The following SCIN variants were observed in gnomAD, a reference collection of about 807,000 sequenced individuals.
The protein encoded by SCIN is adseverin.
In SCIN, 91 loss-of-function variants were observed where a neutral mutation model predicts 91.8. That is an observed-to-expected ratio of 0.99 (90% confidence interval 0.84 to 1.18). The LOEUF (loss-of-function observed/expected upper bound fraction) is 1.18. Ranked by LOEUF, SCIN falls within the 50% of genes most tolerant of loss-of-function variation. The pLI, the probability that SCIN is intolerant of heterozygous loss-of-function variation, is 0.00. For synonymous variants in SCIN, 367 were observed against 312.6 expected (o/e 1.17, Z -1.84); for missense variants, 1,087 against 863.9 (o/e 1.26, Z -3.24).
At chr7:12,604,712 T>G (rs1334071758) in intron 4 of SCIN, 49 bp downstream of exon 4, 16 of 1,407,926 alleles carry the variant, frequency 1.1e-5, no homozygotes, top group Non-Finnish European at 1.5e-5. Flanking sequence ...CCAACTCGTA[T>G]GTGTCTGTGT....
chr7:12,603,236 C>G (rs1782995945), intron 3 of SCIN, among the ~76,000 whole-genome samples: 2 of 152,028 alleles, frequency 1.3e-5, no homozygotes, highest in African/African-American at 4.8e-5. Context: ...GCTTTGCCTC[C>G]CGGGTTCACG....
At chr7:12,605,092 C>T (rs569566476) in intron 4 of SCIN, among the ~76,000 whole-genome samples, 2 of 152,154 alleles carry the variant, frequency 1.3e-5, no homozygotes, top group East Asian at 1.9e-4. Flanking sequence ...TGCTCTGTCG[C>T]CCAGGCTGGA....
chr7:12,596,189 C>A, intron 3 of SCIN: 1 of 346,572 alleles, frequency 2.9e-6, no homozygotes, highest in Admixed American at 3.7e-5. Flanking sequence ...CAGTGCCCTC[C>A]TTACCCTTGG....
chr7:12,597,100 G>T (rs1369880428), intron 3 of SCIN, among the ~76,000 whole-genome samples: 1 of 152,172 alleles, frequency 6.6e-6, no homozygotes, highest in Non-Finnish European at 1.5e-5. Context: ...GAAGGATATT[G>T]AGTTGAGCTG....
intron 8 of SCIN, among the ~76,000 whole-genome samples, chr7:12,628,711 GA>G (rs1343055916): frequency 1.3e-5 from 2 of 150,476 alleles, no homozygotes; most frequent in African/African-American, 2.4e-5. Flanking sequence ...AAAGCACAGG[GA>G]AAAAAATATA....
Position 12,581,109 on chromosome 7 carries a change from C to G in SCIN, c.404C>G (p.Thr135Arg). ...GLNHVLTNDL[T>R]AKRLLHVKGR... Reference sequence around the variant, plus strand: ...AATCATGTTCTTACGAACGACCTGACAGCCAAGAGGCTCCTACATGTGAAG... The same window carrying G: ...AATCATGTTCTTACGAACGACCTGAGAGCCAAGAGGCTCCTACATGTGAAG... The change falls in exon 3 of 16, where the codon ACA (threonine) becomes AGA (arginine). Residue 135 changes from threonine (T) to arginine (R), a missense_variant. Coordinates refer to ENST00000297029, the MANE Select transcript of SCIN (RefSeq NM_001112706.3). The G allele has an allele frequency of 6.4e-7, 1 of 1,551,424 alleles. No homozygotes were observed. The highest frequency in any genetic ancestry group is 1.4e-5 in the African/African-American group (1 of 73,146).
chr7:12,603,916 T>C, intron 3 of SCIN, among the ~76,000 whole-genome samples: 1 of 148,600 alleles, frequency 6.7e-6, no homozygotes, highest in South Asian at 2.2e-4. Flanking sequence ...GTGGTTTTTT[T>C]CTCCTTTTAT....
intron 3 of SCIN, among the ~76,000 whole-genome samples, chr7:12,587,458 G>T (rs190440136): frequency 6.6e-6 from 1 of 152,124 alleles, no homozygotes; most frequent in Non-Finnish European, 1.5e-5. Flanking sequence ...TTGAGCTTTC[G>T]GCTTTGGCCT....
intron 4 of SCIN, among the ~76,000 whole-genome samples, chr7:12,620,758 G>A (rs1003675250): frequency 6.6e-6 from 1 of 152,110 alleles, no homozygotes; most frequent in African/African-American, 2.4e-5. Flanking sequence ...CACAAATGGA[G>A]AATTGAGAGT....
rs907359967 is a variant in SCIN, at chr7:12,660,147, C to T, written c.*7432C>T. 3 of 152,646 alleles carry T rather than the reference C, an allele frequency of 2.0e-5. No individual in the cohort carries two copies. Among genetic ancestry groups the T allele is most frequent in the Non-Finnish European group, 4.4e-5 (3 of 68,398 alleles). The allele number at this position is 152,646 out of a possible 1,614,324, so 9.5% of individuals were successfully genotyped here. ...TCTTTTCGGACTCAGCCCGCCTGCA[C>T]CCAGGTGAAATAAACAGCCTTGTTG... On this transcript the variant is annotated 3_prime_UTR_variant, in exon 16 of 16. Transcript: ENST00000297029.
intron 2 of SCIN, among the ~76,000 whole-genome samples, chr7:12,579,670 C>T (rs117327805): frequency 0.033 from 4,967 of 152,298 alleles, 126 homozygotes; most frequent in Non-Finnish European, 0.05. Flanking sequence ...AATCCCAACA[C>T]TTTGAGAGGC....
intron 4 of SCIN, among the ~76,000 whole-genome samples, chr7:12,618,529 A>G (rs1280682176): frequency 1.3e-5 from 2 of 152,192 alleles, no homozygotes; most frequent in African/African-American, 4.8e-5. Flanking sequence ...CATCACTGAG[A>G]GAGAGCAGCA....
rs1278866212 is a variant in SCIN at position 12,657,571 on chromosome 7, TA to T, written c.*4857del. ...ATATATATATATATATATATATATATATTTTTTTTTTTTTTTTTTTTTTTTT... is the reference window on the plus strand; with the variant it reads ...ATATATATATATATATATATATATATTTTTTTTTTTTTTTTTTTTTTTTTT... On this transcript the variant is annotated 3_prime_UTR_variant, in exon 16 of 16. Transcript: ENST00000297029. The T allele has an allele frequency of 4.4e-3, 109 of 24,732 alleles. 1 individual carries two copies. Among genetic ancestry groups the T allele is most frequent in the Non-Finnish European group, 5.6e-3 (77 of 13,752 alleles). The allele number at this position is 24,732 out of a possible 1,614,324, so 1.5% of individuals were successfully genotyped here. A position where few individuals can be genotyped will look rare whatever the true frequency, so the allele number is the denominator to read the frequency against.
intron 13 of SCIN, among the ~76,000 whole-genome samples, chr7:12,645,372 A>G (rs1783943646): frequency 6.6e-6 from 1 of 152,150 alleles, no homozygotes; most frequent in Non-Finnish European, 1.5e-5. Context: ...GAACCTAACA[A>G]CGCCGGGAAG....
Position 12,570,775 on chromosome 7 carries a change from C to T in SCIN, c.-12C>T. On this transcript the variant is annotated 5_prime_UTR_variant, in exon 1 of 16. Transcript: ENST00000297029. ...ATATCACGCGTCCCCCGGAGCATCG[C>T]GTGCAGGAGCCATGGCGCGGGAGCT... 1 of 1,548,642 alleles carries T rather than the reference C, an allele frequency of 6.5e-7. No homozygotes were observed. Among genetic ancestry groups the T allele is most frequent in the South Asian group, 1.2e-5 (1 of 83,818 alleles).
chr7:12,632,738 G>T (rs1038440798), intron 9 of SCIN, among the ~76,000 whole-genome samples: 1 of 152,122 alleles, frequency 6.6e-6, no homozygotes, highest in Non-Finnish European at 1.5e-5. Context: ...TAAGAAGACA[G>T]GTTTGGCCCA....
At chr7:12,583,447 G>C (rs201667552) in intron 3 of SCIN, among the ~76,000 whole-genome samples, 1 of 152,264 alleles carries the variant, frequency 6.6e-6, no homozygotes, top group East Asian at 1.9e-4. Flanking sequence ...TGCCAGTTGC[G>C]TGATGACCCA....
At chr7:12,611,562 T>C (rs1201107240) in intron 4 of SCIN, among the ~76,000 whole-genome samples, 5 of 152,212 alleles carry the variant, frequency 3.3e-5, no homozygotes, top group Admixed American at 3.3e-4. Context: ...GAAAGAGCTT[T>C]ATTTCTGGGG....
chr7:12,655,138 T>C lies in SCIN; in HGVS notation c.*2423T>C, dbSNP rs1409762186. 2 of 152,230 alleles carry C rather than the reference T, an allele frequency of 1.3e-5. No individual in the cohort carries two copies. The highest frequency in any genetic ancestry group is 4.8e-5 in the African/African-American group (2 of 41,468). 9.4% of individuals were successfully genotyped at this position (152,230 alleles called of 1,614,324 possible). On this transcript the variant is annotated 3_prime_UTR_variant, in exon 16 of 16. Transcript: ENST00000297029. ...TCTCCTGTATACTCTAAGTCATCTC[T>C]GCGTTACTTATAATACCTAATACAG...
Sources: gnomAD v4.1 joint callset for allele counts (sites outside exome capture counted in the v4.1 genomes callset) on GRCh38, gnomAD v4.1.1 for gene constraint, MANE v1.5 for transcripts, NCBI Gene and HGNC (gene_info 2026-07-23, HGNC 2026-07-21) for gene names.